ATP2B3: variants seen among roughly 807,000 people sequenced by gnomAD.
The protein encoded by ATP2B3 is ATPase plasma membrane Ca2+ transporting 3, also known as plasma membrane calcium-transporting ATPase 3.
Under a neutral mutation model 70.8 loss-of-function variants are expected in ATP2B3, and 12 were observed. That is an observed-to-expected ratio of 0.17 (90% CI 0.11 to 0.27). ATP2B3 has a LOEUF of 0.27. Ranked by LOEUF, ATP2B3 falls within the 10% of genes least tolerant of loss-of-function variation. The pLI, the probability that ATP2B3 is intolerant of heterozygous loss-of-function variation, is 1.00. For synonymous variants in ATP2B3, 460 were observed against 497.8 expected (o/e 0.92, Z 1.01); for missense variants, 858 against 1,118.5 (o/e 0.77, Z 3.32).
intron 12 of ATP2B3, among the ~76,000 whole-genome samples, chrX:153,551,086 A>G (rs1336942096): frequency 7.1e-5 from 8 of 112,304 alleles, no homozygotes; most frequent in Non-Finnish European, 1.3e-4. Context: ...CATGTTTTCA[A>G]TTCTTTTGCG....
At chrX:153,523,492 C>T (rs1556998549) in intron 2 of ATP2B3, among the ~76,000 whole-genome samples, 1 of 111,868 alleles carries the variant, frequency 8.9e-6, no homozygotes, top group Non-Finnish European at 1.9e-5. Context: ...TCCAAAAGGG[C>T]TTTTTCATCG....
Position 153,569,181 on chromosome X carries a change from G to A in ATP2B3, c.3342+4078G>A, listed in dbSNP as rs189922641. 1.1e-3 allele frequency: 421 copies of A among 388,033 alleles called. 8 individuals are homozygous for A. In the East Asian group the frequency reaches 0.022, roughly 21 times the overall value. 32.0% of individuals were successfully genotyped at this position (388,033 alleles called of 1,213,427 possible). A position where few individuals can be genotyped will look rare whatever the true frequency, so the allele number is the denominator to read the frequency against. On this transcript the variant is annotated intron_variant, in intron 21 of 21. Transcript: ENST00000263519. ...GACGGGCAGGCGGATGGAGCATGGG[G>A]CATAAGTCCTCCGGGTTTAGAGGAA...
At chrX:153,556,879 A>T (rs2090545830) in intron 15 of ATP2B3, 38 bp from the exon 16 acceptor site, 1 of 1,149,083 alleles carries the variant, frequency 8.7e-7, no homozygotes, top group African/African-American at 1.8e-5. Context: ...GTGGTGACAG[A>T]TGGCCCCAGC....
At chrX:153,566,616 C>T (rs2090710906) in intron 21 of ATP2B3, among the ~76,000 whole-genome samples, 1 of 110,792 alleles carries the variant, frequency 9.0e-6, no homozygotes, top group Non-Finnish European at 1.9e-5. Context: ...ACACCACCCT[C>T]TGCAGTGGGA....
intron 8 of ATP2B3, among the ~76,000 whole-genome samples, chrX:153,547,245 G>A (rs2090382341): frequency 9.0e-6 from 1 of 110,525 alleles, no homozygotes; most frequent in Non-Finnish European, 1.9e-5. Flanking sequence ...CCGGAGTGGG[G>A]GACACACCAC....
intron 16 of ATP2B3, among the ~76,000 whole-genome samples, chrX:153,557,353 G>A (rs1418549710): frequency 8.9e-5 from 10 of 112,165 alleles, no homozygotes; most frequent in African/African-American, 2.9e-4. Context: ...CCCAGATGAG[G>A]TGAGCAGAGT....
Position 153,560,686 on chromosome X carries a change from C to A in ATP2B3, c.2850C>A (p.Phe950Leu). 5.8e-6 allele frequency: 7 copies of A among 1,212,015 alleles called. No homozygotes were observed. Among genetic ancestry groups the A allele is most frequent in the Non-Finnish European group, 7.8e-6 (7 of 895,532 alleles). Residue 950 changes from phenylalanine (F) to leucine (L), a missense_variant, in exon 19 of 22, where the codon TTC becomes TTA. Physicochemically the swap from Phe to Leu is conservative, Grantham distance 22. Coordinates refer to ENST00000263519, the MANE Select transcript of ATP2B3 (RefSeq NM_001001344.3). Reference sequence around the variant, plus strand: ...AATGTTGCTTTCCAGGGGAGCTCTTCTTCGACATCGACAGCGGGAGGAATG... The same window carrying A: ...AATGTTGCTTTCCAGGGGAGCTCTTATTCGACATCGACAGCGGGAGGAATG... ...IFTLLFVGEL[F>L]FDIDSGRNAP...
At chrX:153,554,386 A>G (rs2090504714) in intron 13 of ATP2B3, among the ~76,000 whole-genome samples, 1 of 113,137 alleles carries the variant, frequency 8.8e-6, no homozygotes, top group African/African-American at 3.2e-5. Flanking sequence ...TGGACCAGGG[A>G]GCAACTGAAG....
chrX:153,572,314 C>T (rs1557020152), intron 21 of ATP2B3, among the ~76,000 whole-genome samples: 2 of 113,078 alleles, frequency 1.8e-5, no homozygotes, highest in Non-Finnish European at 3.7e-5. Flanking sequence ...ATCCTCTTTG[C>T]CTGCTCCAGG....
chrX:153,580,178 GAAC>G lies in ATP2B3; in HGVS notation c.3550_3552del (p.Asn1184del). On this transcript the variant is annotated inframe_deletion, in exon 22 of 22. Transcript: ENST00000263519. ...CCCCCCCGCCCCCGTCCCCCAACCA[GAAC>G]AACAACGCCATAGACAGCGGCATCT... is the stretch of plus-strand genomic sequence containing the variant. The G allele has an allele frequency of 7.3e-6, 6 of 819,155 alleles. No homozygotes were observed. The South Asian group carries it at 8.1e-5, about 11-fold the overall frequency. The allele number at this position is 819,155 out of a possible 1,213,427, so 67.5% of individuals were successfully genotyped here.
chrX:153,523,732 G>C (rs2089991904), intron 2 of ATP2B3, among the ~76,000 whole-genome samples: 1 of 74,378 alleles, frequency 1.3e-5, no homozygotes, highest in Non-Finnish European at 2.3e-5. Flanking sequence ...GTCTCGCTCT[G>C]TCACCCAGGC....
At chrX:153,577,785 T>A (rs1299452192) in intron 21 of ATP2B3, among the ~76,000 whole-genome samples, 4 of 111,328 alleles carry the variant, frequency 3.6e-5, no homozygotes, top group African/African-American at 1.3e-4. Context: ...TACTTTTTTT[T>A]ATTATTATTT....
intron 13 of ATP2B3, 115 bp downstream of exon 13, chrX:153,553,384 A>G (rs1603083395): frequency 1.6e-6 from 1 of 624,031 alleles, no homozygotes; most frequent in East Asian, 3.6e-5. Context: ...CCTCCGTAGT[A>G]CACTTGAGCC....
chrX:153,561,611 T>G (rs782746337), intron 19 of ATP2B3, among the ~76,000 whole-genome samples: 2 of 111,502 alleles, frequency 1.8e-5, no homozygotes, highest in Non-Finnish European at 3.8e-5. Flanking sequence ...CTGGCTAGGT[T>G]GCGTCATTGC....
chrX:153,560,272 G>A (rs933556763), intron 18 of ATP2B3, among the ~76,000 whole-genome samples: 4 of 111,886 alleles, frequency 3.6e-5, no homozygotes, highest in African/African-American at 1.3e-4. Context: ...GAGTGGCCAC[G>A]GTAACCCTAG....
chrX:153,560,047 C>A, intron 18 of ATP2B3, 105 bp downstream of exon 18: 1 of 827,877 alleles, frequency 1.2e-6, no homozygotes, highest in Non-Finnish European at 1.7e-6. Context: ...GCACCCAGTA[C>A]GGGGTGGGAC....
chrX:153,579,008 G>A (rs781884330), intron 21 of ATP2B3, among the ~76,000 whole-genome samples: 1 of 112,923 alleles, frequency 8.9e-6, no homozygotes, highest in East Asian at 2.8e-4. Flanking sequence ...GGACTGCTGG[G>A]CTCTCTGGCC....
intron 13 of ATP2B3, among the ~76,000 whole-genome samples, chrX:153,554,363 C>T (rs890322255): frequency 3.5e-5 from 4 of 113,229 alleles, no homozygotes; most frequent in African/African-American, 6.4e-5. Flanking sequence ...CAGGAGCCAT[C>T]GAGTCCCTCT....
In ATP2B3 at chrX:153,541,651, C is replaced by T. The variant is rs1004119757; in HGVS notation, c.407-18C>T. ...TGGTGATGTCTCCTCCACTGCTTCC[C>T]TTCTGTCCTCCGCACAGCCTGTGGG... On this transcript the variant is annotated intron_variant, in intron 4 of 21. Coordinates refer to ENST00000263519, the MANE Select transcript of ATP2B3 (RefSeq NM_001001344.3). 20 of 1,206,973 alleles carry T rather than the reference C, an allele frequency of 1.7e-5. No homozygotes were observed. Among genetic ancestry groups the T allele is most frequent in the Middle Eastern group, 2.3e-4 (1 of 4,361 alleles).
Sources: gnomAD v4.1 joint callset for allele counts (sites outside exome capture counted in the v4.1 genomes callset) on GRCh38, gnomAD v4.1.1 for gene constraint, MANE v1.5 for transcripts, NCBI Gene and HGNC (gene_info 2026-07-23, HGNC 2026-07-21) for gene names.